The following CAMK2D variants were observed in gnomAD, a reference collection of about 807,000 sequenced individuals.
CAMK2D encodes the protein calcium/calmodulin-dependent protein kinase type II subunit delta.
In CAMK2D, 37 loss-of-function variants were observed where a neutral mutation model predicts 84.0. The ratio of observed to expected loss-of-function variants is 0.44; its 90% CI spans 0.34 to 0.58. CAMK2D has a LOEUF of 0.58. Ranked by LOEUF, CAMK2D falls within the 20% of genes least tolerant of loss-of-function variation. CAMK2D has a pLI of 0.02. For missense variants in CAMK2D, 448 were observed against 652.5 expected (o/e 0.69, Z 3.41); for synonymous variants, 202 against 212.5 (o/e 0.95, Z 0.43).
At chr4:113,490,203 A>C (rs1397435192) in intron 16 of CAMK2D, among the ~76,000 whole-genome samples, 1 of 147,886 alleles carries the variant, frequency 6.8e-6, no homozygotes, top group Non-Finnish European at 1.5e-5. Flanking sequence ...TGTTTTAGAC[A>C]TGAAGTCCTT....
At chr4:113,582,079 T>C (rs2098813102) in intron 4 of CAMK2D, among the ~76,000 whole-genome samples, 2 of 152,188 alleles carry the variant, frequency 1.3e-5, no homozygotes, top group African/African-American at 4.8e-5. Context: ...CCATGGCTTT[T>C]GGAGAGCATA....
intron 2 of CAMK2D, among the ~76,000 whole-genome samples, chr4:113,724,507 G>T (rs962247542): frequency 6.6e-6 from 1 of 150,496 alleles, no homozygotes. Context: ...AATATTTACC[G>T]AGCATTTACT....
At chr4:113,467,361 C>A (rs1176969310) in intron 16 of CAMK2D, among the ~76,000 whole-genome samples, 1 of 152,108 alleles carries the variant, frequency 6.6e-6, no homozygotes, top group African/African-American at 2.4e-5. Context: ...TCTGAAACTT[C>A]AGGTTACCTA....
chr4:113,589,372 A>G (rs2098848794), intron 4 of CAMK2D, among the ~76,000 whole-genome samples: 1 of 152,078 alleles, frequency 6.6e-6, no homozygotes, highest in Non-Finnish European at 1.5e-5. Flanking sequence ...TGACAGATTC[A>G]AGTTCTGAAT....
intron 4 of CAMK2D, among the ~76,000 whole-genome samples, chr4:113,581,317 C>G (rs748072769): frequency 1.3e-5 from 2 of 151,734 alleles, no homozygotes. Context: ...AGTTCGAGAC[C>G]AGCCTGACCA....
rs139916223 is a variant in CAMK2D, at chr4:113,723,625, T to C, written c.160+35695A>G. Among the ~76,000 whole-genome samples the C allele has an allele frequency of 3.7e-4, 57 of 152,154 alleles. No homozygotes were observed. In the East Asian group the frequency reaches 0.011, roughly 28 times the overall value. On this transcript the variant is annotated intron_variant, in intron 2 of 20. Transcript: ENST00000511664. ...TCTGAATTGGGCTAACTGGCCAGTG[T>C]TGAAAATTATAAGCAATTAACAATT...
At chr4:113,482,605 T>G (rs1456386472) in intron 16 of CAMK2D, among the ~76,000 whole-genome samples, 1 of 152,208 alleles carries the variant, frequency 6.6e-6, no homozygotes, top group Non-Finnish European at 1.5e-5. Flanking sequence ...GGAGGTGACA[T>G]TTAAAAATAT....
intron 16 of CAMK2D, among the ~76,000 whole-genome samples, chr4:113,494,326 A>T (rs1200473988): frequency 2.6e-5 from 4 of 152,178 alleles, no homozygotes; most frequent in Non-Finnish European, 4.4e-5. Context: ...CTGGTGTGGA[A>T]GTCCTTTCTG....
chr4:113,670,288 TAAATAAATAAACAAAC>T (rs999757321), intron 2 of CAMK2D, among the ~76,000 whole-genome samples: 1 of 149,900 alleles, frequency 6.7e-6, no homozygotes, highest in Non-Finnish European at 1.5e-5. Flanking sequence ...TCTCAAAAAA[TAAATAAATAAACAAAC>T]AAATAAATAA....
chr4:113,541,755 A>G (rs1208915769), intron 6 of CAMK2D, among the ~76,000 whole-genome samples: 1 of 152,178 alleles, frequency 6.6e-6, no homozygotes, highest in Non-Finnish European at 1.5e-5. Flanking sequence ...CTTTTAACAG[A>G]AAACCATCCT....
intron 7 of CAMK2D, among the ~76,000 whole-genome samples, chr4:113,534,254 G>A (rs1487760222): frequency 6.6e-6 from 1 of 151,880 alleles, no homozygotes; most frequent in Admixed American, 6.6e-5. Flanking sequence ...AATATATCTG[G>A]CAGCTCATCT....
rs757375055 is a variant in CAMK2D at position 113,547,707 on chromosome 4, A to T, written c.351T>A (p.Ile117=). The T allele has an allele frequency of 3.2e-6, 5 of 1,555,272 alleles. No individual in the cohort carries two copies. In the South Asian group the frequency reaches 3.5e-5, roughly 11 times the overall value. Residue 117 remains isoleucine (I), a synonymous_variant, in exon 6 of 21, where the codon ATT becomes ATA. Coordinates refer to ENST00000511664, the MANE Select transcript of CAMK2D (RefSeq NM_001321571.2). ...GTAGCACAGCCTCCAGGATCTGCTG[A>T]ATGCAATGACTGCATGCAAACACCA... is the stretch of plus-strand genomic sequence containing the variant. ...YYSEADASHC[I]QQILEAVLHC...
At chr4:113,614,897 AT>A (rs1313335171) in intron 3 of CAMK2D, among the ~76,000 whole-genome samples, 1 of 152,224 alleles carries the variant, frequency 6.6e-6, no homozygotes, top group Non-Finnish European at 1.5e-5. Context: ...ATTAGTAAAA[AT>A]TCTAAAACTG....
chr4:113,583,742 T>C (rs1434655102), intron 4 of CAMK2D, among the ~76,000 whole-genome samples: 1 of 152,236 alleles, frequency 6.6e-6, no homozygotes, highest in African/African-American at 2.4e-5. Context: ...AGATAGAATG[T>C]ACTTACTGAA....
At chr4:113,498,736 A>G (rs2097981342) in intron 16 of CAMK2D, among the ~76,000 whole-genome samples, 1 of 152,208 alleles carries the variant, frequency 6.6e-6, no homozygotes, top group Non-Finnish European at 1.5e-5. Flanking sequence ...CTAAGAACTG[A>G]TATTATTATT....
At chr4:113,567,257 T>C (rs2098729990) in intron 4 of CAMK2D, among the ~76,000 whole-genome samples, 1 of 149,436 alleles carries the variant, frequency 6.7e-6, no homozygotes, top group Non-Finnish European at 1.5e-5. Context: ...AACCTCTGCC[T>C]CCTGGGTTCA....
chr4:113,456,151 A>G (rs1293492546), intron 19 of CAMK2D, among the ~76,000 whole-genome samples: 1 of 152,210 alleles, frequency 6.6e-6, no homozygotes, highest in East Asian at 1.9e-4. Flanking sequence ...TAACAGTGAT[A>G]TATAATTATT....
chr4:113,543,830 T>G (rs369644875), intron 6 of CAMK2D, among the ~76,000 whole-genome samples: 1 of 151,798 alleles, frequency 6.6e-6, no homozygotes, highest in South Asian at 2.1e-4. Flanking sequence ...CTCGCTCTGT[T>G]GCCCAGGCTG....
At chr4:113,555,671 G>A (rs1332759503) in intron 4 of CAMK2D, among the ~76,000 whole-genome samples, 4 of 152,108 alleles carry the variant, frequency 2.6e-5, no homozygotes, top group South Asian at 2.1e-4. Flanking sequence ...ATTCATCCGC[G>A]TCACCTGCAT....
Sources: gnomAD v4.1 joint callset for allele counts (sites outside exome capture counted in the v4.1 genomes callset) on GRCh38, gnomAD v4.1.1 for gene constraint, MANE v1.5 for transcripts, NCBI Gene and HGNC (gene_info 2026-07-23, HGNC 2026-07-21) for gene names.